RNASE10: variants seen among roughly 807,000 people sequenced by gnomAD.
RNASE10 encodes the protein inactive ribonuclease-like protein 10.
RNASE10 carries 2 observed loss-of-function variants against 1.1 expected under a neutral mutation model. The observed-to-expected ratio is 1.82, with a 90% CI of 0.74 to 5.73. RNASE10 has a LOEUF of 5.73. RNASE10 is among the 30% of genes most tolerant of loss of function. The pLI is 0.05. For synonymous variants in RNASE10, 97 were observed against 96.2 expected, an observed-to-expected ratio of 1.01 and a Z score of -0.05; for missense variants, 276 against 263.4, an observed-to-expected ratio of 1.05 and a Z score of -0.33.
intron 1 of RNASE10, among the ~76,000 whole-genome samples, chr14:20,507,923 T>C (rs541437912): frequency 9.2e-5 from 14 of 152,100 alleles, no homozygotes; most frequent in East Asian, 1.9e-4. Flanking sequence ...AATTTTTTCA[T>C]ATTTTTTGTA....
At chr14:20,510,985 C>A (rs764562323) in exon 2 of RNASE10, 4 of 1,601,948 alleles carry the variant, frequency 2.5e-6, no homozygotes, top group Non-Finnish European at 3.4e-6. Flanking sequence ...AAGCTCCCGA[C>A]CTTTTGATTT....
At chr14:20,505,260 T>TGCTCCC (rs1882662895), upstream of RNASE10, among the ~76,000 whole-genome samples, 14 of 75,638 alleles carry the variant, frequency 1.9e-4, no homozygotes, top group Admixed American at 4.5e-4. Context: ...AAAGTGAGTT[T>TGCTCCC]GCTCCCTCTC....
At chr14:20,508,980 T>A (rs1473913058) in intron 1 of RNASE10, among the ~76,000 whole-genome samples, 1 of 152,150 alleles carries the variant, frequency 6.6e-6, no homozygotes, top group Non-Finnish European at 1.5e-5. Context: ...ATAGCAATTT[T>A]TTTTTTTTCT....
intron 1 of RNASE10, among the ~76,000 whole-genome samples, chr14:20,506,730 C>T (rs1594439811): frequency 1.6e-5 from 2 of 127,128 alleles, no homozygotes; most frequent in African/African-American, 3.1e-5. Context: ...GTCAGCCCCC[C>T]GCCCGGCCAG....
upstream of RNASE10, among the ~76,000 whole-genome samples, chr14:20,504,586 G>A (rs1470026415): frequency 6.8e-6 from 1 of 147,324 alleles, no homozygotes; most frequent in Non-Finnish European, 1.5e-5. Context: ...TACTTGGGAG[G>A]CTGAGGCAGG....
intron 1 of RNASE10, among the ~76,000 whole-genome samples, chr14:20,507,363 A>G (rs1161034805): frequency 7.5e-6 from 1 of 132,834 alleles, no homozygotes; most frequent in Non-Finnish European, 1.6e-5. Flanking sequence ...TCAGGGTTAA[A>G]TGGATTAAGG....
intron 1 of RNASE10, among the ~76,000 whole-genome samples, chr14:20,507,626 AT>A (rs1338517675): frequency 5.2e-5 from 4 of 77,318 alleles, no homozygotes; most frequent in Admixed American, 1.2e-4. Flanking sequence ...AAATAAATAA[AT>A]AAATAAATAA....
downstream of RNASE10, chr14:20,511,216 A>AT: frequency 1.9e-6 from 2 of 1,040,020 alleles, no homozygotes; most frequent in Admixed American, 6.9e-5. Flanking sequence ...CTTAGGTATC[A>AT]TGCAGATGGA....
chr14:20,506,672 T>G (rs1448000980), intron 1 of RNASE10, among the ~76,000 whole-genome samples: 16 of 80,604 alleles, frequency 2.0e-4, no homozygotes, highest in South Asian at 5.2e-4. Flanking sequence ...AGGTGGGGGG[T>G]CAGCCCCCCG....
chr14:20,511,155 T>C, exon 2 of RNASE10: 1 of 1,399,292 alleles, frequency 7.1e-7, no homozygotes, highest in South Asian at 1.6e-5. Context: ...CTTCACCTTC[T>C]CCTGTTCCTC....
rs1408791344 is a variant in RNASE10, at chr14:20,506,657, G to A, written c.79+638G>A. Among the ~76,000 whole-genome samples the A allele has an allele frequency of 7.2e-5, 8 of 111,702 alleles. 1 individual carries two copies. Among genetic ancestry groups the A allele is most frequent in the Non-Finnish European group, 1.1e-4 (6 of 54,732 alleles). The allele number at this position is 111,702 out of a possible 152,430, so 73.3% of individuals were successfully genotyped here. ...CCGCCTGGCCAGCCGCCCAGTCCAG[G>A]AGGGAGGTGGGGGGTCAGCCCCCCG... is the stretch of plus-strand genomic sequence containing the variant. On this transcript the variant is annotated intron_variant, in intron 1 of 1. Transcript: ENST00000430083.
intron 1 of RNASE10, among the ~76,000 whole-genome samples, chr14:20,509,857 G>C (rs921402183): frequency 6.6e-6 from 1 of 150,772 alleles, no homozygotes; most frequent in African/African-American, 2.4e-5. Context: ...GGGCATGGTG[G>C]CTCACACTTG....
intron 1 of RNASE10, among the ~76,000 whole-genome samples, chr14:20,506,437 GGA>G (rs1491328218): frequency 3.0e-5 from 4 of 133,956 alleles, no homozygotes; most frequent in African/African-American, 8.8e-5. Context: ...CCGGGAGGGG[GGA>G]GGGGGGGTCA....
chr14:20,510,414 G>T, intron 1 of RNASE10, 53 bp from the exon 2 acceptor site: 1 of 1,561,698 alleles, frequency 6.4e-7, no homozygotes, highest in Non-Finnish European at 8.6e-7. Context: ...GTCTCTACTA[G>T]AGCCAATTTT....
chr14:20,508,305 C>T (rs570242986), intron 1 of RNASE10, among the ~76,000 whole-genome samples: 3 of 152,252 alleles, frequency 2.0e-5, no homozygotes, highest in South Asian at 2.1e-4. Flanking sequence ...CCATGGTCAA[C>T]GACGGTCTGA....
At chr14:20,507,631 T>TA (rs938768767) in intron 1 of RNASE10, among the ~76,000 whole-genome samples, 25 of 71,072 alleles carry the variant, frequency 3.5e-4, no homozygotes, top group Admixed American at 5.7e-4. Flanking sequence ...AATAAATAAA[T>TA]AAATAAAATT....
chr14:20,507,015 A>C (rs1882755706), intron 1 of RNASE10, among the ~76,000 whole-genome samples: 6 of 150,328 alleles, frequency 4.0e-5, no homozygotes, highest in African/African-American at 1.2e-4. Context: ...CCGCCCGGCC[A>C]GCCGCCCTGT....
chr14:20,506,924 C>A (rs867734547), intron 1 of RNASE10, among the ~76,000 whole-genome samples: 13 of 136,084 alleles, frequency 9.6e-5, no homozygotes, highest in South Asian at 7.4e-4. Flanking sequence ...CCAGCCGCCC[C>A]GTCCGGGAGG....
upstream of RNASE10, among the ~76,000 whole-genome samples, chr14:20,504,580 T>TGC (rs1566535477): frequency 2.8e-4 from 40 of 143,668 alleles, no homozygotes; most frequent in South Asian, 8.8e-3. Context: ...CCCAGCTACT[T>TGC]GGGAGGCTGA....
Sources: allele counts gnomAD v4.1 joint callset (sites outside exome capture counted in the v4.1 genomes callset), GRCh38; gene constraint gnomAD v4.1.1; transcripts MANE v1.5; gene names NCBI Gene and HGNC (gene_info 2026-07-23, HGNC 2026-07-21).